Variants in PCDH9 observed in about 807,000 individuals in gnomAD.
PCDH9 encodes the protein protocadherin 9.
Under a neutral mutation model 70.6 loss-of-function variants are expected in PCDH9, and 24 were observed. That is an observed-to-expected ratio of 0.34 (90% CI 0.25 to 0.48). The LOEUF is 0.48. Among genes scored for constraint, PCDH9 ranks in the 20% least tolerant of loss-of-function variants. The pLI is 0.99. For synonymous variants in PCDH9, 562 were observed against 558.5 expected, an observed-to-expected ratio of 1.01 and a Z score of -0.09; for missense variants, 1,281 against 1,503.6, an observed-to-expected ratio of 0.85 and a Z score of 2.45.
chr13:66,358,077 C>T (rs1956414267), intron 4 of PCDH9, among the ~76,000 whole-genome samples: 1 of 151,896 alleles, frequency 6.6e-6, no homozygotes, highest in South Asian at 2.1e-4. Context: ...AAACTTGATA[C>T]AATGCAAGCA....
At chr13:66,810,183 TA>T (rs1296992762) in intron 3 of PCDH9, among the ~76,000 whole-genome samples, 3 of 152,154 alleles carry the variant, frequency 2.0e-5, no homozygotes, top group African/African-American at 7.2e-5. Flanking sequence ...TCTGTTAACT[TA>T]AAAATACTTT....
rs377493191 is a variant in PCDH9 at position 67,188,464 on chromosome 13, G to A, written c.3036+36941C>T. On this transcript the variant is annotated intron_variant, in intron 2 of 4. Coordinates refer to ENST00000377865, the MANE Select transcript of PCDH9 (RefSeq NM_203487.3). Reference sequence around the variant, plus strand: ...AAAGGTATTTTTAATTGGCATGGGAGGTATAATTCCTCATGTAATCTTGTG... The same window carrying A: ...AAAGGTATTTTTAATTGGCATGGGAAGTATAATTCCTCATGTAATCTTGTG... Among the ~76,000 whole-genome samples the A allele has an allele frequency of 5.7e-4, 87 of 151,968 alleles. No homozygotes were observed. In the Middle Eastern group the frequency reaches 0.01, roughly 18 times the overall value.
intron 2 of PCDH9, among the ~76,000 whole-genome samples, chr13:67,059,712 A>G (rs1181207035): frequency 6.6e-6 from 1 of 151,778 alleles, no homozygotes; most frequent in Non-Finnish European, 1.5e-5. Flanking sequence ...TTGAATGAAG[A>G]GATGCATTTA....
At position 66,506,239 on chromosome 13, in the gene PCDH9, T is replaced by C. The variant is rs142216577; in HGVS notation, c.3340+124971A>G. 3.2e-4 allele frequency among the ~76,000 whole-genome samples: 48 copies of C among 152,300 alleles called. No homozygotes were observed. In the East Asian group the frequency reaches 9.1e-3, roughly 29 times the overall value. On this transcript the variant is annotated intron_variant, in intron 4 of 4. Coordinates refer to ENST00000377865, the MANE Select transcript of PCDH9 (RefSeq NM_203487.3). ...TGGGGAGAAGGATCCAGTTTTCACA[T>C]TGTCTTTTATGGGCCTCTAAGTTTA...
intron 4 of PCDH9, among the ~76,000 whole-genome samples, chr13:66,491,667 C>T (rs1959036363): frequency 6.6e-6 from 1 of 151,996 alleles, no homozygotes; most frequent in Non-Finnish European, 1.5e-5. Context: ...CATGTAAATG[C>T]AATTCCTTTA....
chr13:66,343,742 T>C (rs1049506943), intron 4 of PCDH9, among the ~76,000 whole-genome samples: 4 of 152,222 alleles, frequency 2.6e-5, no homozygotes, highest in Non-Finnish European at 5.9e-5. Flanking sequence ...TGCAAGGTCT[T>C]ATTGGTCATG....
chr13:66,342,211 T>G (rs1048913089), intron 4 of PCDH9, among the ~76,000 whole-genome samples: 1 of 152,204 alleles, frequency 6.6e-6, no homozygotes, highest in African/African-American at 2.4e-5. Flanking sequence ...AGTCATCACT[T>G]AAGAACATGT....
chr13:67,074,341 C>T (rs1594474552), intron 2 of PCDH9, among the ~76,000 whole-genome samples: 2 of 151,996 alleles, frequency 1.3e-5, no homozygotes, highest in East Asian at 1.9e-4. Flanking sequence ...TATCTATGAC[C>T]CAGAAAACGG....
chr13:66,372,361 A>C (rs932116786), intron 4 of PCDH9, among the ~76,000 whole-genome samples: 4 of 151,872 alleles, frequency 2.6e-5, no homozygotes, highest in Non-Finnish European at 5.9e-5. Context: ...AAAGGACATA[A>C]AGGATTTAAC....
intron 3 of PCDH9, among the ~76,000 whole-genome samples, chr13:66,891,735 GA>G (rs1357007128): frequency 6.6e-6 from 1 of 151,964 alleles, no homozygotes; most frequent in Non-Finnish European, 1.5e-5. Context: ...TCTGAATGTG[GA>G]TTAAATTCAC....
chr13:66,953,610 C>T (rs1207055777), intron 2 of PCDH9, among the ~76,000 whole-genome samples: 1 of 152,156 alleles, frequency 6.6e-6, no homozygotes, highest in East Asian at 1.9e-4. Context: ...CCTGCCCTTT[C>T]CTCATCACAA....
intron 2 of PCDH9, among the ~76,000 whole-genome samples, chr13:67,189,801 G>C (rs2088861134): frequency 6.6e-6 from 1 of 151,802 alleles, no homozygotes; most frequent in Admixed American, 6.6e-5. Flanking sequence ...TCCAGATAGA[G>C]AGAAAACTTA....
chr13:66,631,451 C>T, intron 3 of PCDH9, 40 bp from the exon 4 acceptor site: 2 of 1,207,442 alleles, frequency 1.7e-6, no homozygotes, highest in Non-Finnish European at 2.5e-6. Flanking sequence ...TAACACTCCT[C>T]TCAAATAAAA....
At chr13:66,543,126 C>A (rs1028099840) in intron 4 of PCDH9, among the ~76,000 whole-genome samples, 2 of 151,800 alleles carry the variant, frequency 1.3e-5, no homozygotes, top group African/African-American at 4.8e-5. Flanking sequence ...ACGTAATGCT[C>A]TTCTTGAGGA....
intron 2 of PCDH9, among the ~76,000 whole-genome samples, chr13:67,191,450 C>T (rs978945106): frequency 2.6e-5 from 4 of 152,014 alleles, no homozygotes; most frequent in Non-Finnish European, 4.4e-5. Context: ...GTTCACATCC[C>T]TCTATCTTGA....
intron 2 of PCDH9, among the ~76,000 whole-genome samples, chr13:67,107,073 G>A (rs993041338): frequency 3.7e-4 from 57 of 152,246 alleles, no homozygotes; most frequent in African/African-American, 1.0e-3. Flanking sequence ...GGAAAGGGGC[G>A]GATCCCCAGT....
chr13:66,716,196 G>T (rs2078864165), intron 3 of PCDH9, among the ~76,000 whole-genome samples: 1 of 152,150 alleles, frequency 6.6e-6, no homozygotes, highest in Non-Finnish European at 1.5e-5. Context: ...ATTTGTTTTT[G>T]TCTGGAAGAT....
At chr13:66,944,680 A>C (rs2083058524) in intron 2 of PCDH9, among the ~76,000 whole-genome samples, 1 of 152,172 alleles carries the variant, frequency 6.6e-6, no homozygotes, top group Non-Finnish European at 1.5e-5. Flanking sequence ...TATTTAGTGG[A>C]TAACCAACCC....
chr13:66,338,866 T>C (rs190107085), intron 4 of PCDH9, among the ~76,000 whole-genome samples: 101 of 113,420 alleles, frequency 8.9e-4, no homozygotes, highest in Non-Finnish European at 1.2e-3. Flanking sequence ...AGATGAAGTA[T>C]TCTCTTGGTA....
Sources: allele counts gnomAD v4.1 joint callset (sites outside exome capture counted in the v4.1 genomes callset), GRCh38; gene constraint gnomAD v4.1.1; transcripts MANE v1.5; gene names NCBI Gene and HGNC (gene_info 2026-07-23, HGNC 2026-07-21).